SYNDIG1L: variants seen among roughly 807,000 people sequenced by gnomAD.
SYNDIG1L encodes synapse differentiation inducing 1 like.
A neutral mutation model predicts 20.1 loss-of-function variants in SYNDIG1L; 13 were observed. That is an observed-to-expected ratio of 0.65 (90% CI 0.42 to 1.03). The LOEUF is 1.03. Ranked by LOEUF, SYNDIG1L falls within the 50% of genes least tolerant of loss-of-function variation. The pLI, the probability that SYNDIG1L is intolerant of heterozygous loss-of-function variation, is 0.00. For synonymous variants in SYNDIG1L, 128 were observed against 129.3 expected, an observed-to-expected ratio of 0.99 and a Z score of 0.07; for missense variants, 294 against 305.1, an observed-to-expected ratio of 0.96 and a Z score of 0.27.
At chr14:74,440,420 A>G in the SYNDIG1L span, among the ~76,000 whole-genome samples, 1 of 151,988 alleles carries the variant, frequency 6.6e-6, no homozygotes, top group South Asian at 2.1e-4. Context: ...AGGCTGAGAC[A>G]GGAGAATGGC....
the SYNDIG1L span, among the ~76,000 whole-genome samples, chr14:74,460,422 C>G: frequency 2.0e-5 from 3 of 152,206 alleles, no homozygotes; most frequent in Non-Finnish European, 4.4e-5. Context: ...CCACAGCCAC[C>G]TCCTGAACCT....
intron 1 of SYNDIG1L, among the ~76,000 whole-genome samples, chr14:74,420,547 A>G (rs2086213590): frequency 6.6e-6 from 1 of 152,138 alleles, no homozygotes; most frequent in Admixed American, 6.6e-5. Flanking sequence ...AGGAAGAGGA[A>G]GACGACAAAA....
intron 1 of SYNDIG1L, among the ~76,000 whole-genome samples, chr14:74,421,116 AT>A (rs1243480292): frequency 2.6e-5 from 4 of 152,200 alleles, no homozygotes; most frequent in Non-Finnish European, 4.4e-5. Flanking sequence ...TTGAAAAAAA[AT>A]TTTTTGAATT....
At chr14:74,414,568 G>T (rs990691295) in intron 1 of SYNDIG1L, among the ~76,000 whole-genome samples, 4 of 152,162 alleles carry the variant, frequency 2.6e-5, no homozygotes, top group Admixed American at 6.5e-5. Flanking sequence ...GAGTCCAATT[G>T]CATTGGAGTC....
the SYNDIG1L span, among the ~76,000 whole-genome samples, chr14:74,452,289 G>A: frequency 6.6e-6 from 1 of 152,158 alleles, no homozygotes; most frequent in Non-Finnish European, 1.5e-5. Context: ...ATTGTAAAGT[G>A]GCTGATATGG....
chr14:74,425,686 G>A (rs899297921), intron 1 of SYNDIG1L, among the ~76,000 whole-genome samples: 2 of 152,168 alleles, frequency 1.3e-5, no homozygotes, highest in African/African-American at 4.8e-5. Context: ...CTGATGTTGT[G>A]AGGTTATGGT....
chr14:74,420,327 C>T (rs1366651798), intron 1 of SYNDIG1L, among the ~76,000 whole-genome samples: 3 of 142,764 alleles, frequency 2.1e-5, no homozygotes, highest in Non-Finnish European at 3.0e-5. Flanking sequence ...ACCTGGGAGG[C>T]GGAGGTTGCA....
the SYNDIG1L span, chr14:74,479,404 G>T: frequency 1.3e-5 from 2 of 152,140 alleles, no homozygotes; most frequent in African/African-American, 4.8e-5. Context: ...TTGTGAATGG[G>T]GTTGTAATCC....
At chr14:74,429,947 C>T (rs948170621), upstream of SYNDIG1L, among the ~76,000 whole-genome samples, 1 of 152,182 alleles carries the variant, frequency 6.6e-6, no homozygotes, top group Admixed American at 6.5e-5. Context: ...AAGTACATTA[C>T]CACAGCTGCT....
chr14:74,432,225 T>C, the SYNDIG1L span, among the ~76,000 whole-genome samples: 2 of 147,604 alleles, frequency 1.4e-5, no homozygotes, highest in Non-Finnish European at 3.0e-5. Context: ...GATAAGCCAA[T>C]GAGGCCACAC....
the SYNDIG1L span, among the ~76,000 whole-genome samples, chr14:74,459,176 T>C: frequency 6.6e-6 from 1 of 152,084 alleles, no homozygotes; most frequent in African/African-American, 2.4e-5. Flanking sequence ...GGTCATTGTG[T>C]TGGCAAGCTG....
At chr14:74,453,317 C>A in the SYNDIG1L span, among the ~76,000 whole-genome samples, 1 of 126,416 alleles carries the variant, frequency 7.9e-6, no homozygotes, top group East Asian at 2.5e-4. Context: ...CACACCATTG[C>A]ACTCCAGCCT....
the SYNDIG1L span, among the ~76,000 whole-genome samples, chr14:74,465,127 G>A: frequency 6.6e-6 from 1 of 152,198 alleles, no homozygotes; most frequent in Non-Finnish European, 1.5e-5. Flanking sequence ...CCCATCTGGA[G>A]GGCTTCGGAT....
the SYNDIG1L span, among the ~76,000 whole-genome samples, chr14:74,440,994 AATC>A: frequency 3.3e-5 from 5 of 152,210 alleles, no homozygotes. Flanking sequence ...AAGTGGGACT[AATC>A]ATGGAACTTC....
At position 74,407,926 on chromosome 14, in the gene SYNDIG1L, G is replaced by T; in HGVS notation, c.481C>A (p.His161Asn). ...ATGGAGAAGAGAGTAAGTCCCAGGT[G>T]GTCCCTGGGAGGCAGCGTGAGGAAG... ...DNFLTLPPRD[H>N]LGLTLFSMLC... The change falls in exon 3 of 4, where the codon CAC (histidine) becomes AAC (asparagine). Residue 161 changes from histidine (H) to asparagine (N), a missense_variant. Transcript: ENST00000331628. 6.2e-7 allele frequency: 1 copy of T among 1,613,792 alleles called. No individual in the cohort carries two copies. Among genetic ancestry groups the T allele is most frequent in the Non-Finnish European group, 8.5e-7 (1 of 1,179,790 alleles).
intron 1 of SYNDIG1L, among the ~76,000 whole-genome samples, chr14:74,423,418 T>C (rs2086240173): frequency 6.6e-6 from 1 of 152,184 alleles, no homozygotes; most frequent in Admixed American, 6.5e-5. Flanking sequence ...GCCGTCACTT[T>C]GTTATGAGGG....
chr14:74,452,241 G>A, the SYNDIG1L span, among the ~76,000 whole-genome samples: 1 of 152,090 alleles, frequency 6.6e-6, no homozygotes, highest in Non-Finnish European at 1.5e-5. Flanking sequence ...TACTGACAAC[G>A]ACATGCATGA....
At chr14:74,445,454 TTGTGTGTGTG>T in the SYNDIG1L span, among the ~76,000 whole-genome samples, 11 of 147,856 alleles carry the variant, frequency 7.4e-5, no homozygotes, top group East Asian at 2.0e-4. Flanking sequence ...GTATTAAAAT[TTGTGTGTGTG>T]TGTGTGTGTG....
chr14:74,433,045 G>A, the SYNDIG1L span, among the ~76,000 whole-genome samples: 221 of 152,212 alleles, frequency 1.5e-3, 1 homozygote, highest in African/African-American at 4.9e-3. Flanking sequence ...TAAGTGCCAG[G>A]TCTTGTGCAG....
Sources: allele counts gnomAD v4.1 joint callset (sites outside exome capture counted in the v4.1 genomes callset), GRCh38; gene constraint gnomAD v4.1.1; transcripts MANE v1.5; gene names NCBI Gene and HGNC (gene_info 2026-07-23, HGNC 2026-07-21).